Variants in ARHGAP42 observed in about 807,000 individuals in gnomAD.
ARHGAP42 encodes Rho GTPase activating protein 42, also known as rho GTPase-activating protein 42.
Under a neutral mutation model 125.0 loss-of-function variants are expected in ARHGAP42, and 63 were observed. The observed-to-expected ratio is 0.50, with a 90% CI of 0.41 to 0.62. The LOEUF (loss-of-function observed/expected upper bound fraction) is 0.62. ARHGAP42 is among the 20% of genes least tolerant of loss of function. ARHGAP42 has a pLI of 0.00. For synonymous variants in ARHGAP42, 339 were observed against 351.0 expected, an observed-to-expected ratio of 0.97 and a Z score of 0.38; for missense variants, 766 against 1,024.2, an observed-to-expected ratio of 0.75 and a Z score of 3.44.
At position 100,941,318 on chromosome 11, in the gene ARHGAP42, T is replaced by C. The variant is rs138015673; in HGVS notation, c.833-466T>C. 7.3e-3 allele frequency among the ~76,000 whole-genome samples: 1,114 copies of C among 152,208 alleles called. 18 individuals are homozygous for C. The highest frequency in any genetic ancestry group is 0.025 in the African/African-American group (1,043 of 41,538). ...CTTGTGGATAATAGGCTCTTTGATT[T>C]TTATCGGGGGTAAGATGGGAAGGCA... On this transcript the variant is annotated intron_variant, in intron 8 of 23. Coordinates refer to ENST00000298815, the MANE Select transcript of ARHGAP42 (RefSeq NM_152432.4).
intron 6 of ARHGAP42, among the ~76,000 whole-genome samples, chr11:100,922,247 G>A (rs540867875): frequency 4.6e-5 from 7 of 152,186 alleles, no homozygotes; most frequent in East Asian, 3.9e-4. Context: ...CACAGGGCTC[G>A]GATCTGCTTG....
At chr11:100,901,107 A>T (rs1314366393) in intron 4 of ARHGAP42, among the ~76,000 whole-genome samples, 1 of 151,924 alleles carries the variant, frequency 6.6e-6, no homozygotes, top group Non-Finnish European at 1.5e-5. Flanking sequence ...TGTTGATGCT[A>T]TTCCTTTCTA....
intron 3 of ARHGAP42, among the ~76,000 whole-genome samples, chr11:100,855,857 A>C (rs1393001707): frequency 1.3e-5 from 2 of 152,144 alleles, no homozygotes; most frequent in Non-Finnish European, 2.9e-5. Flanking sequence ...TTTAAATGTA[A>C]ACCAATATCT....
intron 1 of ARHGAP42, among the ~76,000 whole-genome samples, chr11:100,718,861 T>C (rs1861709798): frequency 6.6e-6 from 1 of 152,238 alleles, no homozygotes; most frequent in African/African-American, 2.4e-5. Flanking sequence ...AGTACTTTAT[T>C]TAACGTGACT....
At chr11:100,980,559 C>CTTCCTTTTTTTT (rs1555037006) in intron 22 of ARHGAP42, among the ~76,000 whole-genome samples, 2 of 51,962 alleles carry the variant, frequency 3.8e-5, no homozygotes, top group African/African-American at 5.7e-5. Flanking sequence ...TTTTCTTCTT[C>CTTCCTTTTTTTT]TTTTTTTTTT....
intron 3 of ARHGAP42, among the ~76,000 whole-genome samples, chr11:100,836,957 T>C (rs1379496432): frequency 6.6e-6 from 1 of 152,118 alleles, no homozygotes; most frequent in African/African-American, 2.4e-5. Flanking sequence ...TTTTTGGTTT[T>C]GGAAGCATAG....
chr11:100,801,067 A>T (rs1863838520), intron 3 of ARHGAP42, among the ~76,000 whole-genome samples: 1 of 152,192 alleles, frequency 6.6e-6, no homozygotes, highest in South Asian at 2.1e-4. Context: ...TTCATATTGG[A>T]AGTGCTCCAG....
intron 4 of ARHGAP42, 145 bp from the exon 5 acceptor site, chr11:100,913,307 T>C (rs1866975504): frequency 3.6e-6 from 1 of 281,320 alleles, no homozygotes; most frequent in African/African-American, 2.3e-5. Context: ...CATCTTCCTA[T>C]TTTTACTAAA....
intron 4 of ARHGAP42, among the ~76,000 whole-genome samples, chr11:100,870,964 G>A (rs997306963): frequency 6.7e-6 from 1 of 149,648 alleles, no homozygotes; most frequent in Non-Finnish European, 1.5e-5. Context: ...AAAAAAAAAA[G>A]GATTTTCCAA....
intron 4 of ARHGAP42, among the ~76,000 whole-genome samples, chr11:100,872,881 C>A (rs7115233): frequency 0.23 from 35,417 of 152,040 alleles, 4,251 homozygotes; most frequent in African/African-American, 0.31. Flanking sequence ...GGATGCAAAA[C>A]TAATATATGA....
intron 4 of ARHGAP42, among the ~76,000 whole-genome samples, chr11:100,867,188 C>T (rs1865589076): frequency 6.6e-6 from 1 of 152,250 alleles, no homozygotes; most frequent in Admixed American, 6.5e-5. Context: ...TTGGCTTCAA[C>T]TTAAAGTCAC....
At chr11:100,707,992 T>A (rs528716519) in intron 1 of ARHGAP42, among the ~76,000 whole-genome samples, 1 of 152,312 alleles carries the variant, frequency 6.6e-6, no homozygotes, top group South Asian at 2.1e-4. Flanking sequence ...TCCAATCAGA[T>A]CTATTCAGGA....
intron 4 of ARHGAP42, among the ~76,000 whole-genome samples, chr11:100,871,517 G>A (rs1865695243): frequency 7.0e-6 from 1 of 142,902 alleles, no homozygotes; most frequent in Admixed American, 7.3e-5. Flanking sequence ...CTGCACTCCA[G>A]CCTGGGTGAC....
chr11:100,936,000 C>G (rs1867729022), intron 7 of ARHGAP42, among the ~76,000 whole-genome samples: 1 of 152,022 alleles, frequency 6.6e-6, no homozygotes, highest in Middle Eastern at 3.2e-3. Context: ...TGTGTGCCTA[C>G]AGTCCCAGCT....
chr11:100,920,623 C>G (rs975586223), intron 5 of ARHGAP42, among the ~76,000 whole-genome samples: 4 of 152,078 alleles, frequency 2.6e-5, no homozygotes, highest in Admixed American at 2.6e-4. Context: ...GCTAAAGTCA[C>G]TTTTTAAAGA....
intron 17 of ARHGAP42, among the ~76,000 whole-genome samples, chr11:100,968,147 A>G (rs1858147511): frequency 1.3e-5 from 2 of 152,206 alleles, no homozygotes; most frequent in Admixed American, 6.6e-5. Flanking sequence ...TGCATGATAC[A>G]TCTTCTATCC....
chr11:100,960,836 C>T, intron 13 of ARHGAP42, 79 bp from the exon 14 acceptor site: 2 of 861,806 alleles, frequency 2.3e-6, no homozygotes, highest in Admixed American at 6.6e-5. Context: ...TTTTGTTAGG[C>T]ATATGTCTGA....
chr11:100,741,271 T>TCCAC (rs1293559751), intron 1 of ARHGAP42, among the ~76,000 whole-genome samples: 4 of 152,160 alleles, frequency 2.6e-5, no homozygotes. Context: ...CCTCAAGTGA[T>TCCAC]CCACCCACCT....
chr11:100,779,949 C>G (rs368424021), intron 2 of ARHGAP42, among the ~76,000 whole-genome samples: 11 of 151,832 alleles, frequency 7.2e-5, no homozygotes, highest in African/African-American at 2.7e-4. Flanking sequence ...TTGCTTGAAC[C>G]TGGGAGTCAG....
Sources: gnomAD v4.1 joint callset for allele counts (sites outside exome capture counted in the v4.1 genomes callset) on GRCh38, gnomAD v4.1.1 for gene constraint, MANE v1.5 for transcripts, NCBI Gene and HGNC (gene_info 2026-07-23, HGNC 2026-07-21) for gene names.